Variants in PRKCH observed in about 807,000 individuals in gnomAD.
PRKCH encodes protein kinase C eta, also known as protein kinase C eta type.
Under a neutral mutation model 82.5 loss-of-function variants are expected in PRKCH, and 28 were observed. The ratio of observed to expected loss-of-function variants is 0.34; its 90% CI spans 0.25 to 0.47. The LOEUF (loss-of-function observed/expected upper bound fraction) is 0.47, where lower values mean the gene tolerates loss of function less well. Ranked by LOEUF, PRKCH falls within the 20% of genes least tolerant of loss-of-function variation. The pLI is 1.00. For synonymous variants in PRKCH, 322 were observed against 327.4 expected, an observed-to-expected ratio of 0.98 and a Z score of 0.18; for missense variants, 705 against 881.8, an observed-to-expected ratio of 0.80 and a Z score of 2.54.
At position 61,470,390 on chromosome 14, in the gene PRKCH, G is replaced by C. The variant is rs567752379; in HGVS notation, c.1278+12711G>C. On this transcript the variant is annotated intron_variant, in intron 9 of 13. Transcript: ENST00000332981. ...CTGTTCACTGGCAGCCCCTGCATCA[G>C]GCTGTGAGGACGCCCTGTCTACCTC... 4.6e-5 allele frequency among the ~76,000 whole-genome samples: 7 copies of C among 152,194 alleles called. No homozygotes were observed. In the South Asian group the frequency reaches 1.5e-3, roughly 32 times the overall value.
intron 1 of PRKCH, among the ~76,000 whole-genome samples, chr14:61,210,598 C>A (rs889037948): frequency 6.6e-6 from 1 of 152,082 alleles, no homozygotes; most frequent in South Asian, 2.1e-4. Context: ...AATAACCAGA[C>A]AAAATGAAAA....
At chr14:61,289,366 G>T (rs754833127) in intron 1 of PRKCH, among the ~76,000 whole-genome samples, 3 of 152,148 alleles carry the variant, frequency 2.0e-5, no homozygotes, top group Non-Finnish European at 4.4e-5. Context: ...ATTTTATTCT[G>T]TATTACTCCA....
intron 1 of PRKCH, among the ~76,000 whole-genome samples, chr14:61,379,206 GC>G (rs879727780): frequency 8.2e-5 from 12 of 145,778 alleles, no homozygotes; most frequent in Non-Finnish European, 1.8e-4. Flanking sequence ...CTGTGTAGAT[GC>G]CCCCCCTCCC....
intron 2 of PRKCH, among the ~76,000 whole-genome samples, chr14:61,402,640 C>CA (rs970334493): frequency 2.0e-5 from 3 of 150,266 alleles, no homozygotes; most frequent in Admixed American, 6.6e-5. Flanking sequence ...ACTAAAAATA[C>CA]AAAAAAAAAT....
rs763544545 is a variant in PRKCH, at chr14:61,529,216, G to T, written c.1572+3G>T. 6.2e-7 allele frequency: 1 copy of T among 1,605,512 alleles called. No homozygotes were observed. The highest frequency in any genetic ancestry group is 8.5e-7 in the Non-Finnish European group (1 of 1,175,726). On this transcript the variant is annotated splice_donor_region_variant and intron_variant, in intron 11 of 13. Coordinates refer to ENST00000332981, the MANE Select transcript of PRKCH (RefSeq NM_006255.5). ...CGCCAGACTATATCGCTCCAGAGGT[G>T]AGTGCAGCTGCTTGATGCAGCTCTG...
chr14:61,362,808 G>A (rs1311799847), intron 1 of PRKCH, among the ~76,000 whole-genome samples: 2 of 152,236 alleles, frequency 1.3e-5, no homozygotes. Flanking sequence ...ACAAAGACAA[G>A]TCAGGGATGG....
chr14:61,532,749 C>A (rs1164297990), intron 12 of PRKCH, among the ~76,000 whole-genome samples: 1 of 152,174 alleles, frequency 6.6e-6, no homozygotes, highest in Admixed American at 6.5e-5. Flanking sequence ...CCAGTAATAG[C>A]CTCATGGTCT....
At chr14:61,196,737 G>A (rs778910953) in intron 1 of PRKCH, among the ~76,000 whole-genome samples, 2 of 152,148 alleles carry the variant, frequency 1.3e-5, no homozygotes, top group Non-Finnish European at 2.9e-5. Flanking sequence ...CTATGTTATA[G>A]TTACACAGAA....
At chr14:61,350,990 C>T (rs1248879648) in intron 1 of PRKCH, among the ~76,000 whole-genome samples, 1 of 152,170 alleles carries the variant, frequency 6.6e-6, no homozygotes, top group East Asian at 1.9e-4. Context: ...CTCTTTATGG[C>T]ATCCTTTTGA....
chr14:61,236,710 CAA>C (rs35185475), intron 1 of PRKCH, among the ~76,000 whole-genome samples: 3 of 87,708 alleles, frequency 3.4e-5, no homozygotes, highest in East Asian at 6.7e-4. Flanking sequence ...TGTCTCAAAA[CAA>C]AAAAAAAAAA....
chr14:61,494,807 C>T (rs10140070), intron 10 of PRKCH, among the ~76,000 whole-genome samples: 143,759 of 152,326 alleles, frequency 0.94, 68,342 homozygotes, highest in East Asian at 1. Context: ...AATCAACCTT[C>T]TGAAGACCAG....
intron 1 of PRKCH, chr14:61,327,182 G>T (rs2045708872): frequency 2.2e-6 from 1 of 454,486 alleles, no homozygotes. Flanking sequence ...TCTCAGTGAG[G>T]TACCTGTTTT....
chr14:61,253,052 G>A (rs1357605731), intron 1 of PRKCH, among the ~76,000 whole-genome samples: 1 of 152,174 alleles, frequency 6.6e-6, no homozygotes, highest in East Asian at 1.9e-4. Context: ...GCTTTTGGAG[G>A]AGGAGAAAAA....
At chr14:61,540,686 G>A (rs2043172404) in intron 12 of PRKCH, among the ~76,000 whole-genome samples, 1 of 152,142 alleles carries the variant, frequency 6.6e-6, no homozygotes, top group Non-Finnish European at 1.5e-5. Flanking sequence ...GTATCAAACG[G>A]TATCATTCTC....
chr14:61,194,525 CA>C (rs2044428538), intron 1 of PRKCH, among the ~76,000 whole-genome samples: 1 of 152,114 alleles, frequency 6.6e-6, no homozygotes, highest in Admixed American at 6.5e-5. Flanking sequence ...CACCAGACAC[CA>C]AATTTGCCTT....
chr14:61,408,329 C>T (rs1882077340), intron 2 of PRKCH, among the ~76,000 whole-genome samples: 1 of 152,082 alleles, frequency 6.6e-6, no homozygotes, highest in Non-Finnish European at 1.5e-5. Context: ...AGAAGATTAG[C>T]CTGCTTTCAG....
intron 2 of PRKCH, among the ~76,000 whole-genome samples, chr14:61,424,611 A>C (rs1052903972): frequency 1.3e-5 from 2 of 152,234 alleles, no homozygotes; most frequent in Non-Finnish European, 2.9e-5. Flanking sequence ...CAGAGTATAG[A>C]AGTTTGGAAA....
chr14:61,253,443 G>C (rs1200438600), intron 1 of PRKCH, among the ~76,000 whole-genome samples: 5 of 149,838 alleles, frequency 3.3e-5, no homozygotes, highest in African/African-American at 1.2e-4. Context: ...AGCATTCAAA[G>C]AAAACTTGGC....
chr14:61,494,530 G>A (rs911916157), intron 10 of PRKCH, among the ~76,000 whole-genome samples: 2 of 152,222 alleles, frequency 1.3e-5, no homozygotes, highest in African/African-American at 4.8e-5. Context: ...GTTGCTGAAT[G>A]CCCCTAGCCC....
Sources: allele counts gnomAD v4.1 joint callset (sites outside exome capture counted in the v4.1 genomes callset), GRCh38; gene constraint gnomAD v4.1.1; transcripts MANE v1.5; gene names NCBI Gene and HGNC (gene_info 2026-07-23, HGNC 2026-07-21).